Variants in NEMF observed in about 807,000 individuals in gnomAD.
NEMF encodes the protein ribosome quality control complex subunit NEMF.
A neutral mutation model predicts 162.2 loss-of-function variants in NEMF; 89 were observed. The observed-to-expected ratio is 0.55, with a 90% confidence interval of 0.46 to 0.65. The LOEUF (loss-of-function observed/expected upper bound fraction) is 0.65. Ranked by LOEUF, NEMF falls within the 30% of genes least tolerant of loss-of-function variation. The pLI, the probability that NEMF is intolerant of heterozygous loss-of-function variation, is 0.00. For missense variants in NEMF, 1,133 were observed against 1,261.9 expected, an observed-to-expected ratio of 0.90 and a Z score of 1.55; for synonymous variants, 421 against 404.5, an observed-to-expected ratio of 1.04 and a Z score of -0.49.
At chr14:49,834,029 C>T in intron 7 of NEMF, 1 of 423,922 alleles carries the variant, frequency 2.4e-6, no homozygotes, top group South Asian at 1.9e-5. Flanking sequence ...TAGTATATTG[C>T]AGAAACTAAA....
chr14:49,805,867 T>A (rs900182200), intron 19 of NEMF, among the ~76,000 whole-genome samples, 154 bp downstream of exon 19: 3 of 152,172 alleles, frequency 2.0e-5, no homozygotes, highest in African/African-American at 7.2e-5. Flanking sequence ...CACTATTTTA[T>A]GGCACTTATT....
At position 49,852,776 on chromosome 14, in the gene NEMF, C is replaced by T. The variant is rs761748850; in HGVS notation, c.-23G>A. 15 of 1,613,822 alleles carry T rather than the reference C, an allele frequency of 9.3e-6. No individual in the cohort carries two copies. The highest frequency in any genetic ancestry group is 1.3e-5 in the African/African-American group (1 of 74,944). On this transcript the variant is annotated 5_prime_UTR_variant, in exon 1 of 33. Transcript: ENST00000298310. ...CATGGCGAGGCCCGAGGGTCACTAC[C>T]GCAAGTTCCTCTACTGCCCGGCCGG...
At chr14:49,851,976 T>C in intron 1 of NEMF, 101 bp from the exon 2 acceptor site, 1 of 721,010 alleles carries the variant, frequency 1.4e-6, no homozygotes, top group Non-Finnish European at 2.3e-6. Flanking sequence ...TCTCAGTCTC[T>C]AAGGATATGG....
At chr14:49,824,458 G>A (rs981784819) in intron 16 of NEMF, among the ~76,000 whole-genome samples, 6 of 139,362 alleles carry the variant, frequency 4.3e-5, no homozygotes, top group African/African-American at 8.1e-5. Flanking sequence ...CATGAGAATC[G>A]CTTCAAACTG....
At chr14:49,790,908 G>A (rs1195455186) in intron 26 of NEMF, among the ~76,000 whole-genome samples, 2 of 152,068 alleles carry the variant, frequency 1.3e-5, no homozygotes, top group African/African-American at 2.4e-5. Context: ...TAGGAGAATC[G>A]CTTGAACCTG....
intron 6 of NEMF, among the ~76,000 whole-genome samples, chr14:49,835,588 C>A (rs1892858638): frequency 6.6e-6 from 1 of 152,074 alleles, no homozygotes; most frequent in African/African-American, 2.4e-5. Context: ...GAATATTATC[C>A]CCCTAAGATC....
Position 49,813,858 on chromosome 14 carries a change from C to T in NEMF, c.1744+130G>A, listed in dbSNP as rs576025562. 1.9e-3 allele frequency: 1,169 copies of T among 623,092 alleles called. 5 individuals are homozygous for T. Among genetic ancestry groups the T allele is most frequent in the African/African-American group, 0.013 (689 of 53,546 alleles). The allele number at this position is 623,092 out of a possible 1,614,324, so 38.6% of individuals were successfully genotyped here. A position where few individuals can be genotyped will look rare whatever the true frequency, so the allele number is the denominator to read the frequency against. On this transcript the variant is annotated intron_variant, in intron 18 of 32. Coordinates refer to ENST00000298310, the MANE Select transcript of NEMF (RefSeq NM_004713.6). ...GCCTCAAATAATCCTCACACTTCAG[C>T]TTCCCAAAGTGCTGGGATTACAGGC...
rs148504688 is a variant in NEMF at position 49,795,825 on chromosome 14, A to C, written c.2585T>G (p.Val862Gly). The change falls in exon 26 of 33, where the codon GTT (valine) becomes GGT (glycine). Residue 862 changes from valine to glycine, a missense_variant. Physicochemically the swap from Val to Gly is moderately radical, Grantham distance 109. Coordinates refer to ENST00000298310, the MANE Select transcript of NEMF (RefSeq NM_004713.6). ...IETHQNTSKN[V>G]AAVQPMKRGQ... is the part of the protein sequence containing the mutation. ...TCGTTTCATTGGCTGCACAGCCGCA[A>C]CATTTTTGCTTGTGTTCTGATGAGT... The C allele has an allele frequency of 2.5e-6, 4 of 1,613,126 alleles. No homozygotes were observed. The highest frequency in any genetic ancestry group is 3.4e-6 in the Non-Finnish European group (4 of 1,179,786).
intron 1 of NEMF, 72 bp downstream of exon 1, chr14:49,852,623 G>A: frequency 6.5e-7 from 1 of 1,528,186 alleles, no homozygotes; most frequent in South Asian, 1.1e-5. Context: ...AAGCTGGTCT[G>A]TTTGCGCCAT....
chr14:49,827,587 C>T (rs138156305), intron 15 of NEMF, among the ~76,000 whole-genome samples: 170 of 152,078 alleles, frequency 1.1e-3, no homozygotes, highest in African/African-American at 4.0e-3. Flanking sequence ...CTGAAGCGGG[C>T]GGATCACCTG....
chr14:49,834,965 A>G (rs964893852), intron 6 of NEMF, among the ~76,000 whole-genome samples: 1 of 152,156 alleles, frequency 6.6e-6, no homozygotes, highest in African/African-American at 2.4e-5. Flanking sequence ...TTGGGAGGCC[A>G]AGGCAGGCAG....
intron 6 of NEMF, among the ~76,000 whole-genome samples, chr14:49,837,160 T>C (rs3100902): frequency 1 from 151,733 of 152,272 alleles, 75,600 homozygotes; most frequent in Middle Eastern, 1. Flanking sequence ...CCTGTAGTCC[T>C]AGCTACTTGG....
intron 29 of NEMF, chr14:49,786,417 G>A (rs1039967558): frequency 3.0e-6 from 1 of 332,224 alleles, no homozygotes; most frequent in Non-Finnish European, 5.5e-6. Context: ...TAATATTTGA[G>A]TGTTTGCTAT....
intron 8 of NEMF, among the ~76,000 whole-genome samples, chr14:49,833,024 G>A (rs1185742011): frequency 6.6e-6 from 1 of 152,164 alleles, no homozygotes; most frequent in Non-Finnish European, 1.5e-5. Flanking sequence ...CCAGCACTTT[G>A]GGAGGCCAAG....
In NEMF at chr14:49,783,583, A is replaced by G. The variant is rs1225855451; in HGVS notation, c.*1053T>C. 1 of 152,116 alleles carries G rather than the reference A, an allele frequency of 6.6e-6. No homozygotes were observed. Among genetic ancestry groups the G allele is most frequent in the Non-Finnish European group, 1.5e-5 (1 of 68,012 alleles). 9.4% of individuals were successfully genotyped at this position (152,116 alleles called of 1,614,324 possible). On this transcript the variant is annotated 3_prime_UTR_variant, in exon 33 of 33. Transcript: ENST00000298310. The stretch of plus-strand genomic sequence containing the variant: ...AGCTCATGAAGGAATGGAAATAATG[A>G]TGACATCATTTTCCATTCTGTTAAG...
At chr14:49,834,073 T>G in intron 7 of NEMF, 1 of 502,762 alleles carries the variant, frequency 2.0e-6, no homozygotes, top group Non-Finnish European at 3.8e-6. Context: ...TTTTTTTTTT[T>G]GAGAGTGGTG....
intron 19 of NEMF, among the ~76,000 whole-genome samples, chr14:49,805,401 G>A (rs1891140518): frequency 6.6e-6 from 1 of 152,006 alleles, no homozygotes; most frequent in Non-Finnish European, 1.5e-5. Flanking sequence ...CATGGCTCAT[G>A]CCTGTAATCT....
At chr14:49,832,419 C>T in intron 8 of NEMF, 142 bp from the exon 9 acceptor site, 2 of 579,386 alleles carry the variant, frequency 3.5e-6, no homozygotes, top group South Asian at 4.2e-5. Flanking sequence ...GCAACCTCTG[C>T]CTCCCGGGTT....
chr14:49,837,859 T>C (rs1892985468), intron 6 of NEMF, among the ~76,000 whole-genome samples: 1 of 150,910 alleles, frequency 6.6e-6, no homozygotes, highest in African/African-American at 2.4e-5. Context: ...GCTAAGTGGT[T>C]ATTAAATCAA....
Sources: allele counts gnomAD v4.1 joint callset (sites outside exome capture counted in the v4.1 genomes callset), GRCh38; gene constraint gnomAD v4.1.1; transcripts MANE v1.5; gene names NCBI Gene and HGNC (gene_info 2026-07-23, HGNC 2026-07-21).